DLG2: variants seen among roughly 807,000 people sequenced by gnomAD.
DLG2 encodes disks large homolog 2.
A neutral mutation model predicts 132.5 loss-of-function variants in DLG2; 45 were observed. The observed-to-expected ratio is 0.34, with a 90% CI of 0.27 to 0.44. The LOEUF (loss-of-function observed/expected upper bound fraction) is 0.44, where lower values mean the gene tolerates loss of function less well. Ranked by LOEUF, DLG2 falls within the 20% of genes least tolerant of loss-of-function variation. The probability of loss-of-function intolerance (pLI) is 1.00; values close to 1 mark genes in which losing one functional copy is unlikely to be tolerated. For synonymous variants in DLG2, 424 were observed against 419.6 expected, an observed-to-expected ratio of 1.01 and a Z score of -0.13; for missense variants, 1,045 against 1,196.9, an observed-to-expected ratio of 0.87 and a Z score of 1.87.
At chr11:83,693,022 G>C (rs2081251433) in intron 18 of DLG2, 1 of 152,180 alleles carries the variant, frequency 6.6e-6, no homozygotes, top group Non-Finnish European at 1.5e-5. Flanking sequence ...CACTGACCAG[G>C]GGAGAGTTGC....
At chr11:84,154,696 T>A (rs191667400) in intron 9 of DLG2, among the ~76,000 whole-genome samples, 8 of 152,054 alleles carry the variant, frequency 5.3e-5, no homozygotes, top group African/African-American at 1.9e-4. Flanking sequence ...CCCCTTCCTG[T>A]GTCCATGTTT....
At chr11:84,310,531 T>C (rs2098275986) in intron 7 of DLG2, among the ~76,000 whole-genome samples, 2 of 152,232 alleles carry the variant, frequency 1.3e-5, no homozygotes. Flanking sequence ...CCAGAGAGAA[T>C]GCTCTGCTTA....
At chr11:85,500,308 G>A (rs1360057360) in intron 3 of DLG2, among the ~76,000 whole-genome samples, 7 of 135,454 alleles carry the variant, frequency 5.2e-5, no homozygotes, top group South Asian at 2.3e-4. Context: ...ACCAAACACC[G>A]CATATTCTCA....
chr11:85,544,704 T>C (rs183267716), intron 3 of DLG2, among the ~76,000 whole-genome samples: 64 of 152,336 alleles, frequency 4.2e-4, no homozygotes, highest in African/African-American at 1.5e-3. Context: ...AAGAGATCCT[T>C]CACATCCCTT....
intron 3 of DLG2, among the ~76,000 whole-genome samples, chr11:85,435,406 G>A (rs1460221449): frequency 2.6e-5 from 4 of 152,152 alleles, no homozygotes; most frequent in Admixed American, 1.3e-4. Context: ...CCTATATTTA[G>A]AAAACCACAT....
In DLG2 at chr11:85,623,269, T is replaced by A. The variant is rs189399590; in HGVS notation, c.-93+3318A>T. Among the ~76,000 whole-genome samples the A allele has an allele frequency of 1.8e-4, 28 of 152,186 alleles. 1 individual carries two copies. The highest frequency in any genetic ancestry group is 6.7e-4 in the African/African-American group (28 of 41,538). On this transcript the variant is annotated intron_variant, in intron 2 of 27. Coordinates refer to ENST00000376104, the MANE Select transcript of DLG2 (RefSeq NM_001142699.3). ...TATAAATAAATAATTTCAGACAAAC[T>A]TCTACACCAGTTTAAAAGAAGCTCC...
intron 20 of DLG2, among the ~76,000 whole-genome samples, chr11:83,540,673 A>G (rs2096040399): frequency 6.6e-6 from 1 of 152,206 alleles, no homozygotes; most frequent in African/African-American, 2.4e-5. Flanking sequence ...TATGGTTTGT[A>G]CTAGCTCAAT....
intron 19 of DLG2, among the ~76,000 whole-genome samples, chr11:83,558,111 G>A (rs367592281): frequency 9.2e-5 from 14 of 152,256 alleles, no homozygotes; most frequent in African/African-American, 3.4e-4. Flanking sequence ...AAGTCATATA[G>A]TTCATAATTT....
chr11:84,705,431 G>A (rs1027004791), intron 6 of DLG2, among the ~76,000 whole-genome samples: 1 of 151,676 alleles, frequency 6.6e-6, no homozygotes, highest in African/African-American at 2.4e-5. Flanking sequence ...CAGTTCTATT[G>A]AAGACACTGG....
intron 3 of DLG2, among the ~76,000 whole-genome samples, chr11:85,368,680 ATCTGAG>A (rs2084740021): frequency 6.6e-6 from 1 of 152,212 alleles, no homozygotes; most frequent in Non-Finnish European, 1.5e-5. Context: ...AACAGTGCAT[ATCTGAG>A]TCTCTCTCAA....
chr11:84,741,905 A>G (rs936310191), intron 6 of DLG2, among the ~76,000 whole-genome samples: 3 of 152,160 alleles, frequency 2.0e-5, no homozygotes, highest in African/African-American at 7.2e-5. Flanking sequence ...GAATACAAAT[A>G]GACAATTCAA....
intron 7 of DLG2, among the ~76,000 whole-genome samples, chr11:84,500,195 T>G (rs2154502942): frequency 6.6e-6 from 1 of 152,194 alleles, no homozygotes. Context: ...ACAGGGTGGT[T>G]ATAAAAAACA....
At chr11:85,533,700 C>G (rs552500707) in intron 3 of DLG2, among the ~76,000 whole-genome samples, 2 of 152,066 alleles carry the variant, frequency 1.3e-5, no homozygotes, top group African/African-American at 4.8e-5. Context: ...GCAGGCACTT[C>G]TTTCCCCTTA....
At chr11:85,180,618 A>G (rs1484183407) in intron 4 of DLG2, among the ~76,000 whole-genome samples, 1 of 151,932 alleles carries the variant, frequency 6.6e-6, no homozygotes, top group East Asian at 1.9e-4. Flanking sequence ...GTGGCTTCAA[A>G]AGAAACCTGA....
rs2063254981 is a variant in DLG2 at position 83,870,608 on chromosome 11, G to A, written c.1565+3812C>T. ...GCCCCAAACTAGCACACTGTGAAGGGCTCAGCTGTGGGGGCCAACTCTCAA... is the reference window on the plus strand; with the variant it reads ...GCCCCAAACTAGCACACTGTGAAGGACTCAGCTGTGGGGGCCAACTCTCAA... On this transcript the variant is annotated intron_variant, in intron 16 of 27. Coordinates refer to ENST00000376104, the MANE Select transcript of DLG2 (RefSeq NM_001142699.3). Among the ~76,000 whole-genome samples the A allele has an allele frequency of 2.6e-5, 4 of 152,138 alleles. No homozygotes were observed. In the South Asian group the frequency reaches 8.3e-4, roughly 32 times the overall value.
chr11:83,837,347 C>T (rs571417354), intron 16 of DLG2, among the ~76,000 whole-genome samples: 14 of 152,262 alleles, frequency 9.2e-5, no homozygotes, highest in Middle Eastern at 3.4e-3. Flanking sequence ...AGCATCACCT[C>T]GTACCCCCTT....
intron 7 of DLG2, among the ~76,000 whole-genome samples, chr11:84,265,567 A>G (rs2097611598): frequency 6.6e-6 from 1 of 152,128 alleles, no homozygotes; most frequent in Non-Finnish European, 1.5e-5. Context: ...CTAAGCTTTA[A>G]TTTTCATATA....
At chr11:85,481,050 T>C (rs755273042) in intron 3 of DLG2, among the ~76,000 whole-genome samples, 1 of 152,246 alleles carries the variant, frequency 6.6e-6, no homozygotes, top group Non-Finnish European at 1.5e-5. Context: ...ACTTTCTTCA[T>C]ATGTAAAATC....
chr11:84,459,596 A>G (rs1383173689), intron 7 of DLG2, among the ~76,000 whole-genome samples: 1 of 150,614 alleles, frequency 6.6e-6, no homozygotes, highest in Non-Finnish European at 1.5e-5. Context: ...GCTGCCCCAT[A>G]ATTTTGCCAT....
Sources: gnomAD v4.1 joint callset for allele counts (sites outside exome capture counted in the v4.1 genomes callset) on GRCh38, gnomAD v4.1.1 for gene constraint, MANE v1.5 for transcripts, NCBI Gene and HGNC (gene_info 2026-07-23, HGNC 2026-07-21) for gene names.